The following SSTR3 variants were observed in gnomAD, a reference collection of about 807,000 sequenced individuals.
The protein encoded by SSTR3 is somatostatin receptor 3, also known as somatostatin receptor type 3.
For missense variants in SSTR3, 504 were observed against 604.7 expected (o/e 0.83, Z 1.75); for synonymous variants, 281 against 269.2 (o/e 1.04, Z -0.43).
rs1162485862 is a variant in SSTR3, at chr22:37,206,236, G to T, written c.*311C>A. ...ATGCCCCAAGACACTCCATCCCTGG[G>T]GGGAGGCCAGTCTGCACCCACCTTT... On this transcript the variant is annotated 3_prime_UTR_variant, in exon 2 of 2. Coordinates refer to ENST00000610913, the MANE Select transcript of SSTR3 (RefSeq NM_001051.5). 2 of 322,816 alleles carry T rather than the reference G, an allele frequency of 6.2e-6. No individual in the cohort carries two copies. Among genetic ancestry groups the T allele is most frequent in the Non-Finnish European group, 1.1e-5 (2 of 177,442 alleles). The allele number at this position is 322,816 out of a possible 1,614,324, so 20.0% of individuals were successfully genotyped here. A position where few individuals can be genotyped will look rare whatever the true frequency, so the allele number is the denominator to read the frequency against.
chr22:37,216,125 G>A (rs199808124), upstream of SSTR3, among the ~76,000 whole-genome samples: 74 of 152,144 alleles, frequency 4.9e-4, 1 homozygote, highest in East Asian at 0.011. Flanking sequence ...CTGAAACTGC[G>A]CTAAGTGGAC....
Position 37,212,186 on chromosome 22 carries a change from A to G in SSTR3, c.-398T>C. ...AGAAGCCAATAGAAATAGAGGGGAA[A>G]GGGGGTCGGGAGGAGGTGGAGAAAG... is the stretch of plus-strand genomic sequence containing the variant. On this transcript the variant is annotated 5_prime_UTR_variant, in exon 1 of 2. Coordinates refer to ENST00000610913, the MANE Select transcript of SSTR3 (RefSeq NM_001051.5). 1 of 971,470 alleles carries G rather than the reference A, an allele frequency of 1.0e-6. No individual in the cohort carries two copies. Among genetic ancestry groups the G allele is most frequent in the Non-Finnish European group, 1.2e-6 (1 of 819,098 alleles). The allele number at this position is 971,470 out of a possible 1,614,324, so 60.2% of individuals were successfully genotyped here. A position where few individuals can be genotyped will look rare whatever the true frequency, so the allele number is the denominator to read the frequency against.
chr22:37,216,695 G>A (rs577652669), upstream of SSTR3, among the ~76,000 whole-genome samples: 1 of 152,346 alleles, frequency 6.6e-6, no homozygotes, highest in East Asian at 1.9e-4. Context: ...GTTGTTTGGG[G>A]ATTCCCTTCA....
At chr22:37,218,657 C>T in the SSTR3 span, among the ~76,000 whole-genome samples, 7 of 122,008 alleles carry the variant, frequency 5.7e-5, no homozygotes, top group African/African-American at 8.2e-5. Context: ...AAGGCATCAT[C>T]GAATTGACAT....
At chr22:37,210,789 G>T in intron 1 of SSTR3, 1 of 985,516 alleles carries the variant, frequency 1.0e-6, no homozygotes, top group African/African-American at 1.7e-5. Flanking sequence ...TTCTCCATTT[G>T]CCCATCTCCC....
upstream of SSTR3, among the ~76,000 whole-genome samples, chr22:37,213,829 C>T (rs75535516): frequency 3.7e-3 from 570 of 152,356 alleles, 4 homozygotes; most frequent in African/African-American, 0.013. Flanking sequence ...CTGCCGCCTG[C>T]GCGGGCCTCC....
At chr22:37,215,903 G>A (rs1285683491), upstream of SSTR3, 2 of 261,508 alleles carry the variant, frequency 7.6e-6, no homozygotes, top group Admixed American at 3.9e-5. Flanking sequence ...GGCGAGAAAC[G>A]GAGTCAACCA....
chr22:37,217,160 T>C (rs118012235), upstream of SSTR3, among the ~76,000 whole-genome samples: 380 of 152,282 alleles, frequency 2.5e-3, 8 homozygotes, highest in East Asian at 0.047. Context: ...TGTGCATGTT[T>C]CAAAATAGTG....
chr22:37,206,551 A>G lies in SSTR3; in HGVS notation c.1253T>C (p.Leu418Pro), dbSNP rs774107520. ...ATCCTGGCTTTCCCCAGGCCCCTAC[A>G]GGTAGCTGATGCGCATCGTGCTGGA... ...EKSSTMRISY[L>P] Residue 418 changes from leucine to proline, a missense_variant, in exon 2 of 2, where the codon CTG (leucine) becomes CCG (proline). Coordinates refer to ENST00000610913, the MANE Select transcript of SSTR3 (RefSeq NM_001051.5). 2 of 1,602,296 alleles carry G rather than the reference A, an allele frequency of 1.2e-6. No homozygotes were observed. The highest frequency in any genetic ancestry group is 1.3e-5 in the African/African-American group (1 of 74,756).
At chr22:37,208,962 C>T (rs1439861952) in intron 1 of SSTR3, among the ~76,000 whole-genome samples, 1 of 152,212 alleles carries the variant, frequency 6.6e-6, no homozygotes, top group Non-Finnish European at 1.5e-5. Flanking sequence ...GAGGCCCAGG[C>T]AGAGCCAGGC....
At chr22:37,210,784 C>T in intron 1 of SSTR3, 1 of 985,532 alleles carries the variant, frequency 1.0e-6, no homozygotes, top group Non-Finnish European at 1.2e-6. Context: ...AATCATTCTC[C>T]ATTTGCCCAT....
At chr22:37,217,675 T>C in the SSTR3 span, among the ~76,000 whole-genome samples, 1 of 151,580 alleles carries the variant, frequency 6.6e-6, no homozygotes, top group Non-Finnish European at 1.5e-5. Flanking sequence ...TCTCCTGTTT[T>C]TTATTTTATT....
intron 1 of SSTR3, among the ~76,000 whole-genome samples, chr22:37,208,507 C>G (rs1925990181): frequency 6.6e-6 from 1 of 152,180 alleles, no homozygotes; most frequent in South Asian, 2.1e-4. Flanking sequence ...ACCTGGGGGG[C>G]AGGTGGCTGA....
Position 37,207,793 on chromosome 22 carries a change from A to G in SSTR3, c.11T>C (p.Leu4Pro). MDM[L>P]HPSSVSTTSE... is the part of the protein sequence containing the mutation. ...GGTCGTGGACACCGATGATGGATGA[A>G]GCATGTCCATGGCTGAGGGGAGGGT... is the stretch of plus-strand genomic sequence containing the variant. The change falls in exon 2 of 2, where the codon CTT becomes CCT. Residue 4 changes from leucine (L) to proline (P), a missense_variant. Physicochemically the swap from Leu to Pro is moderately conservative, Grantham distance 98 (BLOSUM62 -3). Coordinates refer to ENST00000610913, the MANE Select transcript of SSTR3 (RefSeq NM_001051.5). 1.3e-6 allele frequency: 2 copies of G among 1,509,730 alleles called. No homozygotes were observed. Among genetic ancestry groups the G allele is most frequent in the Non-Finnish European group, 1.8e-6 (2 of 1,128,910 alleles). 93.5% of individuals were successfully genotyped at this position (1,509,730 alleles called of 1,614,324 possible).
the SSTR3 span, among the ~76,000 whole-genome samples, chr22:37,219,887 G>T: frequency 6.7e-3 from 1,014 of 152,258 alleles, 5 homozygotes; most frequent in African/African-American, 0.022. Flanking sequence ...GGTGGTTGGA[G>T]GCTGGGCTCA....
intron 1 of SSTR3, chr22:37,210,868 G>T (rs1441855363): frequency 8.1e-6 from 8 of 985,316 alleles, no homozygotes; most frequent in Non-Finnish European, 9.6e-6. Context: ...CAGAACCTAG[G>T]ACATCACCCA....
At position 37,206,406 on chromosome 22, in the gene SSTR3, C is replaced by T. The variant is rs229567; in HGVS notation, c.*141G>A. 0.012 allele frequency: 16,363 copies of T among 1,363,582 alleles called. 1,533 individuals are homozygous for T. The African/African-American group carries it at 0.21, about 17-fold the overall frequency. 84.5% of individuals were successfully genotyped at this position (1,363,582 alleles called of 1,614,324 possible). A position where few individuals can be genotyped will look rare whatever the true frequency, so the allele number is the denominator to read the frequency against. On this transcript the variant is annotated 3_prime_UTR_variant, in exon 2 of 2. Transcript: ENST00000610913. Reference sequence around the variant, plus strand: ...TAGAAGCAACCTACCCAAGGTCACACAGCAAGACCTGGCAGCAATAGCATC... The same window carrying T: ...TAGAAGCAACCTACCCAAGGTCACATAGCAAGACCTGGCAGCAATAGCATC...
At chr22:37,217,119 T>C (rs35435644), upstream of SSTR3, among the ~76,000 whole-genome samples, 49,798 of 152,044 alleles carry the variant, frequency 0.33, 8,907 homozygotes, top group Non-Finnish European at 0.42. Flanking sequence ...CATTTTGATG[T>C]AGCATAGCTC....
At position 37,204,421 on chromosome 22, in the gene SSTR3, A is replaced by T. The variant is rs1925586364; in HGVS notation, c.*2126T>A. The T allele has an allele frequency of 6.6e-6, 1 of 152,360 alleles. No homozygotes were observed. 9.4% of individuals were successfully genotyped at this position (152,360 alleles called of 1,614,324 possible). A position where few individuals can be genotyped will look rare whatever the true frequency, so the allele number is the denominator to read the frequency against. On this transcript the variant is annotated 3_prime_UTR_variant, in exon 2 of 2. Coordinates refer to ENST00000610913, the MANE Select transcript of SSTR3 (RefSeq NM_001051.5). ...TCCCTTGGACCCTCAGATCTTCCTC[A>T]AGAAACCCCAGACCAAGTCCCAGGG...
Sources: gnomAD v4.1 joint callset for allele counts (sites outside exome capture counted in the v4.1 genomes callset) on GRCh38, gnomAD v4.1.1 for gene constraint, MANE v1.5 for transcripts, NCBI Gene and HGNC (gene_info 2026-07-23, HGNC 2026-07-21) for gene names.